The following ROS1 variants were observed in gnomAD, a reference collection of about 807,000 sequenced individuals.
ROS1 encodes the protein ROS proto-oncogene 1, receptor tyrosine kinase, also known as proto-oncogene tyrosine-protein kinase ROS.
In ROS1, 263 loss-of-function variants were observed where a neutral mutation model predicts 273.5. The ratio of observed to expected loss-of-function variants is 0.96; its 90% CI spans 0.87 to 1.06. The LOEUF (loss-of-function observed/expected upper bound fraction) is 1.06. Among genes scored for constraint, ROS1 ranks in the 50% least tolerant of loss-of-function variants. The pLI, the probability that ROS1 is intolerant of heterozygous loss-of-function variation, is 0.00. For synonymous variants in ROS1, 1,008 were observed against 954.1 expected (o/e 1.06, Z -1.04); for missense variants, 2,833 against 2,751.1 (o/e 1.03, Z -0.67).
rs145588362 is a variant in ROS1 at position 117,332,935 on chromosome 6, T to G, written c.5231-3489A>C. Among the ~76,000 whole-genome samples, 454 of 151,794 alleles carry G rather than the reference T, an allele frequency of 3.0e-3. 1 individual carries two copies. The highest frequency in any genetic ancestry group is 0.01 in the African/African-American group (434 of 41,356). ...ACCCTAACATCACAATTAAAAGAGC[T>G]AGAGAGGCAAGAGCAAACTAATCCA... On this transcript the variant is annotated intron_variant, in intron 32 of 43. Coordinates refer to ENST00000368507, the MANE Select transcript of ROS1 (RefSeq NM_001378902.1).
At chr6:117,425,396 A>C in intron 1 of ROS1, 138 bp downstream of exon 1, 1 of 758,924 alleles carries the variant, frequency 1.3e-6, no homozygotes, top group South Asian at 2.4e-5. Flanking sequence ...TTAAGAAAAA[A>C]TAATCTATCT....
chr6:117,352,904 G>A, intron 27 of ROS1, 86 bp downstream of exon 27: 1 of 1,255,542 alleles, frequency 8.0e-7, no homozygotes, highest in East Asian at 2.3e-5. Flanking sequence ...AGGGGCTAAA[G>A]GGACAGCCTT....
At position 117,416,322 on chromosome 6, in the gene ROS1, A is replaced by G; in HGVS notation, c.169-5T>C. On this transcript the variant is annotated splice_region_variant and splice_polypyrimidine_tract_variant and intron_variant, in intron 2 of 43. Coordinates refer to ENST00000368507, the MANE Select transcript of ROS1 (RefSeq NM_001378902.1). ...AAAGTGACATCCTTGGATACACTGC[A>G]AGAGACAATAACAGACAATGGTGAG... The G allele has an allele frequency of 6.3e-7, 1 of 1,589,784 alleles. No individual in the cohort carries two copies. The highest frequency in any genetic ancestry group is 8.6e-7 in the Non-Finnish European group (1 of 1,157,962).
At chr6:117,394,565 T>C (rs1218051619) in intron 10 of ROS1, 51 bp downstream of exon 10, 1 of 1,438,678 alleles carries the variant, frequency 7.0e-7, no homozygotes, top group Non-Finnish European at 9.2e-7. Context: ...AAGTACTTCT[T>C]TTAGAATCTT....
chr6:117,321,415 T>C (rs1222238943), intron 35 of ROS1, 21 bp from the exon 36 acceptor site: 1 of 1,570,286 alleles, frequency 6.4e-7, no homozygotes, highest in Non-Finnish European at 8.6e-7. Flanking sequence ...AAAAATGACA[T>C]AATTTACAAA....
Position 117,386,932 on chromosome 6 carries a change from A to C in ROS1, c.2067T>G (p.Phe689Leu). 1 of 1,612,998 alleles carries C rather than the reference A, an allele frequency of 6.2e-7. No homozygotes were observed. Among genetic ancestry groups the C allele is most frequent in the Non-Finnish European group, 8.5e-7 (1 of 1,179,122 alleles). ...CAGAGGATAAGAACTCTCCTGGGCCAAAGCTATTTAATGGTTTACTCCAAA... is the reference window on the plus strand; with the variant it reads ...CAGAGGATAAGAACTCTCCTGGGCCCAAGCTATTTAATGGTTTACTCCAAA... Reference protein sequence around the residue: ...DGLWSKPLNSFGPGEFLSSDI... With the variant: ...DGLWSKPLNSLGPGEFLSSDI... Residue 689 changes from phenylalanine to leucine, a missense_variant, in exon 15 of 44, where the codon TTT (phenylalanine) becomes TTG (leucine). Coordinates refer to ENST00000368507, the MANE Select transcript of ROS1 (RefSeq NM_001378902.1).
At chr6:117,349,620 T>C (rs1778648140) in intron 27 of ROS1, among the ~76,000 whole-genome samples, 1 of 152,078 alleles carries the variant, frequency 6.6e-6, no homozygotes, top group Non-Finnish European at 1.5e-5. Context: ...TTATTTTTCA[T>C]TTGTTGCCCT....
chr6:117,333,129 A>G (rs1777212625), intron 32 of ROS1, among the ~76,000 whole-genome samples: 1 of 151,990 alleles, frequency 6.6e-6, no homozygotes, highest in African/African-American at 2.4e-5. Context: ...GGAGACAGAG[A>G]AGAATCAAAT....
chr6:117,372,596 GTC>G (rs1228766875), intron 18 of ROS1, among the ~76,000 whole-genome samples: 5 of 152,082 alleles, frequency 3.3e-5, no homozygotes, highest in African/African-American at 1.2e-4. Context: ...TGGGTTCGTG[GTC>G]TCTCTGGCTT....
rs1445376070 is a variant in ROS1, at chr6:117,414,514, C to A, written c.255+5G>T. 1.3e-6 allele frequency: 1 copy of A among 740,878 alleles called. No homozygotes were observed. Among genetic ancestry groups the A allele is most frequent in the Non-Finnish European group, 2.5e-6 (1 of 408,072 alleles). 45.9% of individuals were successfully genotyped at this position (740,878 alleles called of 1,614,324 possible). A position where few individuals can be genotyped will look rare whatever the true frequency, so the allele number is the denominator to read the frequency against. On this transcript the variant is annotated splice_donor_5th_base_variant and intron_variant, in intron 4 of 43. Transcript: ENST00000368507. ...ATTACATCTTTTTTGTGATTGCCAACTCACCTCACAAACGGTGGCATAAGT... is the reference window on the plus strand; with the variant it reads ...ATTACATCTTTTTTGTGATTGCCAAATCACCTCACAAACGGTGGCATAAGT...
At chr6:117,419,356 A>G (rs1221022841) in intron 1 of ROS1, among the ~76,000 whole-genome samples, 3 of 152,212 alleles carry the variant, frequency 2.0e-5, no homozygotes, top group Non-Finnish European at 4.4e-5. Context: ...CAATGGCTTA[A>G]TATTGTGTGG....
Position 117,310,114 on chromosome 6 carries a change from A to G in ROS1, c.6383T>C (p.Met2128Thr), listed in dbSNP as rs762013317. Residue 2128 changes from methionine to threonine, a missense_variant, in exon 41 of 44, where the codon ATG (methionine) becomes ACG (threonine). Transcript: ENST00000368507. ...AGATTGAGTAGTGAAGATTCCATCC[A>G]TCAAACTTTCTGGAGCCATCCACCG... is the stretch of plus-strand genomic sequence containing the variant. ...PVRWMAPESLMDGIFTTQSDV... is the reference protein window; with the variant it reads ...PVRWMAPESLTDGIFTTQSDV... 6.2e-7 allele frequency: 1 copy of G among 1,613,472 alleles called. No homozygotes were observed. The highest frequency in any genetic ancestry group is 2.2e-5 in the East Asian group (1 of 44,850).
At chr6:117,389,147 A>T (rs1582820970) in intron 13 of ROS1, among the ~76,000 whole-genome samples, 1 of 152,232 alleles carries the variant, frequency 6.6e-6, no homozygotes, top group Non-Finnish European at 1.5e-5. Flanking sequence ...TGGGATATAC[A>T]TGAGAAGTAT....
chr6:117,297,214 A>G (rs1284761492), intron 43 of ROS1, among the ~76,000 whole-genome samples: 2 of 152,130 alleles, frequency 1.3e-5, no homozygotes, highest in African/African-American at 2.4e-5. Context: ...ACAAAAATTA[A>G]CTCAAAGATG....
At chr6:117,329,955 T>TG (rs1055576582) in intron 32 of ROS1, among the ~76,000 whole-genome samples, 1 of 152,220 alleles carries the variant, frequency 6.6e-6, no homozygotes, top group Non-Finnish European at 1.5e-5. Context: ...CTGAACTCCC[T>TG]GGGGGAGGGG....
chr6:117,374,044 T>C (rs1177564818), intron 18 of ROS1, among the ~76,000 whole-genome samples: 2 of 152,198 alleles, frequency 1.3e-5, no homozygotes, highest in Non-Finnish European at 2.9e-5. Context: ...AGAATCACTA[T>C]TGTGAAAATG....
chr6:117,342,120 T>A (rs1777983348), intron 29 of ROS1, among the ~76,000 whole-genome samples: 1 of 152,152 alleles, frequency 6.6e-6, no homozygotes, highest in African/African-American at 2.4e-5. Flanking sequence ...AAAGTGACAC[T>A]GTGTGGTGAG....
In ROS1 at chr6:117,288,694, C is replaced by T. The variant is rs758340327; in HGVS notation, c.6824G>A (p.Cys2275Tyr). Residue 2275 changes from cysteine to tyrosine, a missense_variant, in exon 44 of 44, where the codon TGT (cysteine) becomes TAT (tyrosine). Cys to Tyr is a radical substitution (Grantham distance 194). Coordinates refer to ENST00000368507, the MANE Select transcript of ROS1 (RefSeq NM_001378902.1). The stretch of plus-strand genomic sequence containing the variant: ...CTCAGACTTTTCTTCACCTTGGCCA[C>T]ATTCTGTAGCAAGTACCATATAGTT... ...GLNYMVLATE[C>Y]GQGEEKSEGP... 1.9e-6 allele frequency: 3 copies of T among 1,614,156 alleles called. No individual in the cohort carries two copies. The highest frequency in any genetic ancestry group is 1.1e-5 in the South Asian group (1 of 91,082).
chr6:117,297,920 C>T (rs1252822354), intron 43 of ROS1, among the ~76,000 whole-genome samples: 3 of 152,156 alleles, frequency 2.0e-5, no homozygotes, highest in Admixed American at 6.5e-5. Flanking sequence ...TACTTACACT[C>T]ATATGTTTAT....
Sources: allele counts gnomAD v4.1 joint callset (sites outside exome capture counted in the v4.1 genomes callset), GRCh38; gene constraint gnomAD v4.1.1; transcripts MANE v1.5; gene names NCBI Gene and HGNC (gene_info 2026-07-23, HGNC 2026-07-21).